CACNA2D3: variants seen among roughly 807,000 people sequenced by gnomAD.
CACNA2D3 encodes the protein calcium voltage-gated channel auxiliary subunit alpha2delta 3.
Under a neutral mutation model 160.6 loss-of-function variants are expected in CACNA2D3, and 60 were observed. The observed-to-expected ratio is 0.37, with a 90% CI of 0.30 to 0.46. The LOEUF (loss-of-function observed/expected upper bound fraction) is 0.46, where lower values mean the gene tolerates loss of function less well. CACNA2D3 is among the 20% of genes least tolerant of loss of function. The pLI is 1.00. For missense variants in CACNA2D3, 1,205 were observed against 1,365.0 expected (o/e 0.88, Z 1.85); for synonymous variants, 558 against 492.9 (o/e 1.13, Z -1.75).
At chr3:54,183,507 T>G (rs1283549027) in intron 2 of CACNA2D3, among the ~76,000 whole-genome samples, 1 of 152,036 alleles carries the variant, frequency 6.6e-6, no homozygotes, top group East Asian at 1.9e-4. Context: ...TTTCTAAAAC[T>G]TTTACTTTCA....
intron 35 of CACNA2D3, among the ~76,000 whole-genome samples, chr3:55,051,707 G>T (rs544359214): frequency 6.6e-6 from 1 of 152,096 alleles, no homozygotes; most frequent in Admixed American, 6.5e-5. Flanking sequence ...CCCCAGCCTC[G>T]CTGCCGCCTT....
chr3:54,938,198 C>T (rs980893780), intron 27 of CACNA2D3, among the ~76,000 whole-genome samples: 1 of 152,248 alleles, frequency 6.6e-6, no homozygotes, highest in Non-Finnish European at 1.5e-5. Flanking sequence ...CAAGGAAGAA[C>T]CAGCCCTGCT....
chr3:54,154,534 C>CT (rs1392177690), intron 2 of CACNA2D3, among the ~76,000 whole-genome samples: 1 of 151,994 alleles, frequency 6.6e-6, no homozygotes, highest in Non-Finnish European at 1.5e-5. Flanking sequence ...TCTTTTTCCC[C>CT]CCCGAATGAT....
intron 5 of CACNA2D3, among the ~76,000 whole-genome samples, chr3:54,555,649 A>C (rs1417640028): frequency 6.6e-6 from 1 of 152,252 alleles, no homozygotes; most frequent in Admixed American, 6.5e-5. Context: ...AGTCTGTTTT[A>C]CTAAAAGCTG....
intron 18 of CACNA2D3, among the ~76,000 whole-genome samples, chr3:54,872,659 A>G (rs1356003539): frequency 1.3e-5 from 2 of 152,238 alleles, no homozygotes; most frequent in East Asian, 1.9e-4. Flanking sequence ...CTCAACTAGC[A>G]TAAATCTCTC....
intron 9 of CACNA2D3, among the ~76,000 whole-genome samples, chr3:54,600,396 C>G (rs1001831814): frequency 2.6e-5 from 4 of 152,200 alleles, no homozygotes; most frequent in Non-Finnish European, 5.9e-5. Context: ...ATCGGTAACA[C>G]TTAAAAGATT....
intron 11 of CACNA2D3, among the ~76,000 whole-genome samples, chr3:54,666,254 G>A (rs886798749): frequency 6.6e-6 from 1 of 152,152 alleles, no homozygotes; most frequent in African/African-American, 2.4e-5. Context: ...AAGTTGACTT[G>A]GAGGGAAATA....
chr3:54,557,349 TCA>T (rs1198303164), intron 5 of CACNA2D3, among the ~76,000 whole-genome samples: 2 of 152,216 alleles, frequency 1.3e-5, no homozygotes, highest in African/African-American at 2.4e-5. Flanking sequence ...TGAAACATCC[TCA>T]GTTTGCTTTG....
chr3:54,646,126 T>TCTTCCTTC (rs375699594), intron 11 of CACNA2D3, among the ~76,000 whole-genome samples: 2 of 60,204 alleles, frequency 3.3e-5, no homozygotes, highest in Non-Finnish European at 6.5e-5. Flanking sequence ...TTCCTTCCTT[T>TCTTCCTTC]CTTCCTTCCT....
At chr3:54,894,804 A>T (rs566744657) in intron 25 of CACNA2D3, 23 of 395,962 alleles carry the variant, frequency 5.8e-5, no homozygotes, top group Non-Finnish European at 1.1e-4. Flanking sequence ...CTGAAGCCTG[A>T]TGACTTTTAG....
At chr3:54,732,830 A>T (rs1260045853) in intron 11 of CACNA2D3, among the ~76,000 whole-genome samples, 1 of 152,256 alleles carries the variant, frequency 6.6e-6, no homozygotes, top group Non-Finnish European at 1.5e-5. Flanking sequence ...GGACCCTCGA[A>T]AAAGTCAAAA....
intron 27 of CACNA2D3, among the ~76,000 whole-genome samples, chr3:54,958,070 G>C (rs1701944818): frequency 6.6e-6 from 1 of 152,210 alleles, no homozygotes; most frequent in Non-Finnish European, 1.5e-5. Context: ...GCCTGTGCTG[G>C]TAGCTTCTCT....
At chr3:54,880,957 G>C in intron 21 of CACNA2D3, 94 bp downstream of exon 21, 1 of 1,033,320 alleles carries the variant, frequency 9.7e-7, no homozygotes, top group Non-Finnish European at 1.5e-6. Context: ...TCATCTGTCC[G>C]CACCTGTGAC....
intron 14 of CACNA2D3, among the ~76,000 whole-genome samples, chr3:54,831,226 G>T (rs1045765913): frequency 3.3e-5 from 5 of 152,162 alleles, no homozygotes; most frequent in Non-Finnish European, 7.3e-5. Context: ...AGCAGATCTG[G>T]CAGGCGGCTC....
intron 18 of CACNA2D3, among the ~76,000 whole-genome samples, chr3:54,876,605 G>T (rs1011776230): frequency 6.6e-6 from 1 of 152,232 alleles, no homozygotes; most frequent in Non-Finnish European, 1.5e-5. Flanking sequence ...TGTTGTCCAA[G>T]TGCTTTCTCT....
At chr3:54,971,977 G>GC (rs1702283526) in intron 29 of CACNA2D3, among the ~76,000 whole-genome samples, 1 of 151,754 alleles carries the variant, frequency 6.6e-6, no homozygotes, top group African/African-American at 2.4e-5. Flanking sequence ...GAAATGATAA[G>GC]CATTCAATAA....
intron 18 of CACNA2D3, among the ~76,000 whole-genome samples, chr3:54,876,808 C>G (rs967068996): frequency 2.0e-5 from 3 of 152,314 alleles, no homozygotes; most frequent in South Asian, 4.1e-4. Flanking sequence ...ACTCAGTAAA[C>G]AGTATCTCTC....
At chr3:54,200,931 T>C (rs1044998137) in intron 2 of CACNA2D3, among the ~76,000 whole-genome samples, 14 of 152,358 alleles carry the variant, frequency 9.2e-5, no homozygotes, top group African/African-American at 3.4e-4. Context: ...GTTATTGTTA[T>C]ATTTTGTGGG....
intron 27 of CACNA2D3, chr3:54,924,963 G>C (rs866923787): frequency 6.2e-7 from 1 of 1,611,018 alleles, no homozygotes; most frequent in Non-Finnish European, 8.5e-7. Context: ...GGCCAGATTT[G>C]AAAGGGAATT....
Sources: gnomAD v4.1 joint callset for allele counts (sites outside exome capture counted in the v4.1 genomes callset) on GRCh38, gnomAD v4.1.1 for gene constraint, MANE v1.5 for transcripts, NCBI Gene and HGNC (gene_info 2026-07-23, HGNC 2026-07-21) for gene names.